Variants in TAB2 observed in about 807,000 individuals in gnomAD.
The protein encoded by TAB2 is TGF-beta activated kinase 1 (MAP3K7) binding protein 2.
TAB2 carries 3 observed loss-of-function variants against 65.0 expected under a neutral mutation model. The ratio of observed to expected loss-of-function variants is 0.05; its 90% CI spans 0.02 to 0.12. The LOEUF is 0.12. Ranked by LOEUF, TAB2 falls within the 10% of genes least tolerant of loss-of-function variation. The pLI is 1.00. For missense variants in TAB2, 623 were observed against 840.3 expected (o/e 0.74, Z 3.20); for synonymous variants, 298 against 285.1 (o/e 1.05, Z -0.46).
chr6:149,314,628 G>A (rs1385410461), upstream of TAB2, among the ~76,000 whole-genome samples: 1 of 152,148 alleles, frequency 6.6e-6, no homozygotes, highest in Admixed American at 6.5e-5. Context: ...TTTATTGCCA[G>A]CTACCTTGTA....
chr6:149,388,733 T>C (rs1157542521), intron 3 of TAB2, among the ~76,000 whole-genome samples: 1 of 152,196 alleles, frequency 6.6e-6, no homozygotes, highest in Non-Finnish European at 1.5e-5. Flanking sequence ...TTCCAGCCAT[T>C]TGTATTTCTC....
intron 1 of TAB2, among the ~76,000 whole-genome samples, chr6:149,295,409 G>A (rs564107591): frequency 1.6e-4 from 24 of 152,262 alleles, no homozygotes; most frequent in African/African-American, 5.8e-4. Flanking sequence ...TGTAATCTGT[G>A]AATTGTTATC....
intron 1 of TAB2, among the ~76,000 whole-genome samples, chr6:149,269,628 G>T (rs1027149768): frequency 2.0e-5 from 3 of 152,092 alleles, no homozygotes; most frequent in African/African-American, 7.2e-5. Context: ...GGCAACCATT[G>T]ATTGGTTATC....
intron 1 of TAB2, among the ~76,000 whole-genome samples, chr6:149,369,554 A>G (rs1035944490): frequency 1.3e-5 from 2 of 152,250 alleles, no homozygotes; most frequent in African/African-American, 4.8e-5. Flanking sequence ...TTAAGAATTT[A>G]GATTACTCAC....
chr6:149,395,930 T>A (rs1247313204), intron 3 of TAB2, among the ~76,000 whole-genome samples: 1 of 152,188 alleles, frequency 6.6e-6, no homozygotes. Context: ...CCTTCAATTT[T>A]GAAACATTTT....
At chr6:149,322,632 A>G (rs1260146966) in intron 1 of TAB2, among the ~76,000 whole-genome samples, 1 of 152,128 alleles carries the variant, frequency 6.6e-6, no homozygotes, top group East Asian at 1.9e-4. Context: ...TGGATACGAT[A>G]TCTTTCTTTT....
intron 1 of TAB2, among the ~76,000 whole-genome samples, chr6:149,336,083 C>A (rs1349561186): frequency 6.6e-6 from 1 of 152,258 alleles, no homozygotes; most frequent in East Asian, 1.9e-4. Flanking sequence ...ACCCCGGGTT[C>A]TAGTCCAGGG....
intron 3 of TAB2, among the ~76,000 whole-genome samples, chr6:149,394,122 T>C (rs542753773): frequency 1.2e-3 from 187 of 152,196 alleles, no homozygotes; most frequent in Non-Finnish European, 2.0e-3. Context: ...TTTTGTTCTT[T>C]TTTTCACTTG....
chr6:149,235,668 CT>C (rs1463648890), intron 1 of TAB2, among the ~76,000 whole-genome samples: 1 of 152,222 alleles, frequency 6.6e-6, no homozygotes, highest in Non-Finnish European at 1.5e-5. Flanking sequence ...TCAGGAACTT[CT>C]TGACCATCTT....
intron 6 of TAB2, among the ~76,000 whole-genome samples, chr6:149,402,255 G>C (rs1054885636): frequency 2.6e-5 from 4 of 151,722 alleles, no homozygotes; most frequent in Non-Finnish European, 5.9e-5. Context: ...AGATGCCTCA[G>C]AAATAAAAGG....
intron 1 of TAB2, among the ~76,000 whole-genome samples, chr6:149,329,601 A>T (rs1245683729): frequency 1.5e-5 from 2 of 137,270 alleles, no homozygotes; most frequent in African/African-American, 5.5e-5. Flanking sequence ...TAGCAAATGC[A>T]GTGGCCTTTA....
intron 1 of TAB2, among the ~76,000 whole-genome samples, chr6:149,276,056 T>C (rs1290565513): frequency 6.6e-6 from 1 of 152,224 alleles, no homozygotes; most frequent in East Asian, 1.9e-4. Context: ...TATTTGTTCA[T>C]ATAGTAACAA....
At chr6:149,364,420 A>C (rs751230560) in intron 1 of TAB2, among the ~76,000 whole-genome samples, 6 of 152,146 alleles carry the variant, frequency 3.9e-5, no homozygotes, top group Non-Finnish European at 5.9e-5. Flanking sequence ...GTGAAAGAGA[A>C]AAACAGTGGC....
Position 149,379,083 on chromosome 6 carries a change from T to A in TAB2, c.1168T>A (p.Ser390Thr), listed in dbSNP as rs1346214098. The change falls in exon 3 of 7, where the codon TCA becomes ACA. Residue 390 changes from serine to threonine, a missense_variant. Ser to Thr is a moderately conservative substitution (Grantham distance 58, BLOSUM62 1). Transcript: ENST00000637181. ...MSRSQPKVYI[S>T]ANAATGDEQV... ...CCGTAGTCAACCTAAGGTCTATATT[T>A]CAGCGAATGCTGCCACAGGAGATGA... 6.2e-7 allele frequency: 1 copy of A among 1,614,168 alleles called. No homozygotes were observed. Among genetic ancestry groups the A allele is most frequent in the Admixed American group, 1.7e-5 (1 of 60,016 alleles).
chr6:149,319,967 G>A (rs1025411150), intron 1 of TAB2, among the ~76,000 whole-genome samples: 2 of 152,108 alleles, frequency 1.3e-5, no homozygotes, highest in African/African-American at 4.8e-5. Context: ...ACTTAATCCC[G>A]TTTGATTGAA....
At chr6:149,396,833 T>C (rs1174824008) in intron 3 of TAB2, among the ~76,000 whole-genome samples, 1 of 152,240 alleles carries the variant, frequency 6.6e-6, no homozygotes, top group African/African-American at 2.4e-5. Flanking sequence ...GTGAAATCAA[T>C]CTGCCTGTTT....
rs775340413 is a variant in TAB2 at position 149,399,124 on chromosome 6, G to T, written c.1879G>T (p.Ala627Ser). Reference sequence around the variant, plus strand: ...TTCAGGACCACATTTTAACCCCAGCGCTATTCATAACTTTTATGACAATAT... The same window carrying T: ...TTCAGGACCACATTTTAACCCCAGCTCTATTCATAACTTTTATGACAATAT... The part of the protein sequence containing the change: ...QARGPHFNPS[A>S]IHNFYDNIGF... Residue 627 changes from alanine to serine, a missense_variant, in exon 6 of 7, where the codon GCT (alanine) becomes TCT (serine). Around this residue, in one of 3 missense-constraint regions of TAB2, gnomAD observed 56 missense variants for 130.3 expected, o/e 0.43. Coordinates refer to ENST00000637181, the MANE Select transcript of TAB2 (RefSeq NM_001292034.3). The T allele has an allele frequency of 6.2e-7, 1 of 1,613,288 alleles. No individual in the cohort carries two copies. Among genetic ancestry groups the T allele is most frequent in the South Asian group, 1.1e-5 (1 of 91,054 alleles).
intron 1 of TAB2, among the ~76,000 whole-genome samples, chr6:149,257,917 A>G (rs1306928530): frequency 1.3e-5 from 2 of 152,178 alleles, no homozygotes; most frequent in African/African-American, 2.4e-5. Flanking sequence ...GTCAGGAAAA[A>G]AATGCTAGAC....
At chr6:149,235,796 C>A (rs751780170) in intron 1 of TAB2, among the ~76,000 whole-genome samples, 31 of 152,222 alleles carry the variant, frequency 2.0e-4, no homozygotes, top group Non-Finnish European at 3.7e-4. Context: ...ATAGGTCACA[C>A]ATCAGTCCCT....
Sources: allele counts gnomAD v4.1 joint callset (sites outside exome capture counted in the v4.1 genomes callset), GRCh38; gene constraint gnomAD v4.1.1; regional missense constraint gnomAD v4.1.1; transcripts MANE v1.5; gene names NCBI Gene and HGNC (gene_info 2026-07-23, HGNC 2026-07-21).